ABCC8: variants seen among roughly 807,000 people sequenced by gnomAD.
The protein encoded by ABCC8 is ATP-binding cassette sub-family C member 8.
Under a neutral mutation model 188.0 loss-of-function variants are expected in ABCC8, and 137 were observed. The observed-to-expected ratio is 0.73, with a 90% confidence interval of 0.63 to 0.84. The LOEUF is 0.84. Ranked by LOEUF, ABCC8 falls within the 40% of genes least tolerant of loss-of-function variation. ABCC8 has a pLI of 0.00. For synonymous variants in ABCC8, 797 were observed against 846.5 expected, an observed-to-expected ratio of 0.94 and a Z score of 1.01; for missense variants, 1,750 against 2,072.7, an observed-to-expected ratio of 0.84 and a Z score of 3.02.
At chr11:17,400,432 C>T (rs536362102) in intron 29 of ABCC8, among the ~76,000 whole-genome samples, 10 of 152,246 alleles carry the variant, frequency 6.6e-5, no homozygotes, top group African/African-American at 9.6e-5. Context: ...CTGCCACAGG[C>T]GTGCGACAGT....
At chr11:17,405,701 A>C in intron 26 of ABCC8, 138 bp from the exon 27 acceptor site, 2 of 1,518,694 alleles carry the variant, frequency 1.3e-6, no homozygotes, top group Non-Finnish European at 1.8e-6. Flanking sequence ...ATTTGTAGAC[A>C]TCTGGCCTGT....
At chr11:17,449,935 A>G (rs1956695627) in intron 7 of ABCC8, among the ~76,000 whole-genome samples, 1 of 152,208 alleles carries the variant, frequency 6.6e-6, no homozygotes. Context: ...AGAAATCTAT[A>G]TACCTCCTAG....
At chr11:17,395,999 C>T (rs1228628318) in intron 33 of ABCC8, 69 bp from the exon 34 acceptor site, 2 of 1,548,562 alleles carry the variant, frequency 1.3e-6, no homozygotes, top group Non-Finnish European at 1.7e-6. Flanking sequence ...TATGCTAGCT[C>T]TGGGTGTGTG....
At chr11:17,446,588 T>C (rs1956539637) in intron 8 of ABCC8, among the ~76,000 whole-genome samples, 1 of 152,178 alleles carries the variant, frequency 6.6e-6, no homozygotes, top group Admixed American at 6.5e-5. Context: ...TTAGAAAGTC[T>C]TGTGCATAAA....
intron 6 of ABCC8, among the ~76,000 whole-genome samples, chr11:17,459,543 C>CA (rs1957110727): frequency 6.6e-6 from 1 of 152,154 alleles, no homozygotes; most frequent in African/African-American, 2.4e-5. Flanking sequence ...ATGAGATGAA[C>CA]AAATGTTACG....
chr11:17,448,798 G>C (rs1407982823), intron 7 of ABCC8, 127 bp from the exon 8 acceptor site: 15 of 1,492,304 alleles, frequency 1.0e-5, no homozygotes, highest in African/African-American at 1.4e-5. Flanking sequence ...GAGCAGCTCT[G>C]TAAGGTGGTA....
intron 16 of ABCC8, among the ~76,000 whole-genome samples, chr11:17,424,040 G>A (rs992449493): frequency 1.3e-5 from 2 of 152,154 alleles, no homozygotes; most frequent in East Asian, 1.9e-4. Flanking sequence ...ACAGTGCCTG[G>A]CCTATAATAA....
chr11:17,408,370 G>A, intron 23 of ABCC8, 22 bp downstream of exon 23: 1 of 1,606,060 alleles, frequency 6.2e-7, no homozygotes. Context: ...GTGGCTGCTT[G>A]GCCATCCCTG....
intron 16 of ABCC8, among the ~76,000 whole-genome samples, chr11:17,420,374 C>T (rs1955282033): frequency 6.6e-6 from 1 of 152,204 alleles, no homozygotes; most frequent in South Asian, 2.1e-4. Context: ...CAAGTGGCAG[C>T]ATCAGGACTA....
intron 3 of ABCC8, among the ~76,000 whole-genome samples, chr11:17,466,823 G>A (rs1432596019): frequency 6.6e-6 from 1 of 151,788 alleles, no homozygotes; most frequent in Non-Finnish European, 1.5e-5. Context: ...ACATTACCAC[G>A]CCCAGCTAAT....
chr11:17,437,091 C>CAAAAAA (rs71047551), intron 10 of ABCC8, among the ~76,000 whole-genome samples: 5 of 55,092 alleles, frequency 9.1e-5, no homozygotes, highest in Non-Finnish European at 1.3e-4. Context: ...AACTCTGTCT[C>CAAAAAA]AAAAAAAAAA....
chr11:17,402,455 A>T (rs1205793651), intron 29 of ABCC8, among the ~76,000 whole-genome samples: 2 of 152,160 alleles, frequency 1.3e-5, no homozygotes, highest in African/African-American at 2.4e-5. Context: ...ACAGAGCTGG[A>T]ATTTTCCTCT....
At position 17,407,398 on chromosome 11, in the gene ABCC8, A is replaced by G; in HGVS notation, c.2876T>C (p.Met959Thr). The G allele has an allele frequency of 6.2e-7, 1 of 1,614,098 alleles. No homozygotes were observed. Among genetic ancestry groups the G allele is most frequent in the East Asian group, 2.2e-5 (1 of 44,876 alleles). The part of the protein sequence containing the change: ...TEPPQGLSRA[M>T]SSRDGLLQDE... ...CTGCAGAAGGCCATCCCTCGAGGAC[A>G]TGGCACGAGATAGGCCCTGGGGTGG... is the stretch of plus-strand genomic sequence containing the variant. Residue 959 changes from methionine to threonine, a missense_variant, in exon 24 of 39, where the codon ATG becomes ACG. Met to Thr is a moderately conservative substitution (Grantham distance 81). Transcript: ENST00000389817.
rs1953744466 is a variant in ABCC8 at position 17,393,631 on chromosome 11, T to C, written c.4608+66A>G. ...GGCAAGCCCAGGGGCTGTGCACTGA[T>C]GACGGCCACAACAGGCCAGTCCTGT... is the stretch of plus-strand genomic sequence containing the variant. On this transcript the variant is annotated intron_variant, in intron 38 of 38. Transcript: ENST00000389817. 1.9e-6 allele frequency: 3 copies of C among 1,607,636 alleles called. No homozygotes were observed. In the Admixed American group the frequency reaches 5.0e-5, roughly 27 times the overall value.
chr11:17,430,547 G>GT (rs370673339), intron 12 of ABCC8: 42,606 of 417,530 alleles, frequency 0.1, 2 homozygotes, highest in Middle Eastern at 0.14. Context: ...CTCAACACTG[G>GT]TTTTTTTTTT....
chr11:17,440,402 G>A (rs1346217300), intron 10 of ABCC8, among the ~76,000 whole-genome samples: 1 of 152,210 alleles, frequency 6.6e-6, no homozygotes, highest in Non-Finnish European at 1.5e-5. Context: ...CAGAGAGAAG[G>A]TTGAAGTGGG....
intron 3 of ABCC8, among the ~76,000 whole-genome samples, chr11:17,467,045 C>CACAA (rs1383437846): frequency 1.5e-5 from 2 of 133,512 alleles, no homozygotes; most frequent in Non-Finnish European, 3.1e-5. Context: ...TGTTAAACCA[C>CACAA]ACACACACAC....
chr11:17,407,190 G>C, intron 24 of ABCC8, 61 bp from the exon 25 acceptor site: 3 of 1,599,688 alleles, frequency 1.9e-6, no homozygotes, highest in Non-Finnish European at 2.6e-6. Context: ...GGGTGAATCA[G>C]GGCATTTTAT....
intron 6 of ABCC8, among the ~76,000 whole-genome samples, chr11:17,455,108 T>C (rs1956945155): frequency 6.6e-6 from 1 of 152,200 alleles, no homozygotes; most frequent in South Asian, 2.1e-4. Flanking sequence ...AGGTAATAGC[T>C]GTATGAACAC....
Sources: gnomAD v4.1 joint callset for allele counts (sites outside exome capture counted in the v4.1 genomes callset) on GRCh38, gnomAD v4.1.1 for gene constraint, MANE v1.5 for transcripts, NCBI Gene and HGNC (gene_info 2026-07-23, HGNC 2026-07-21) for gene names.